ARK2C: variants seen among roughly 807,000 people sequenced by gnomAD.
The protein encoded by ARK2C is E3 ubiquitin-protein ligase ARK2C.
At chr18:46,345,807 C>T in the ARK2C span, among the ~76,000 whole-genome samples, 1 of 152,236 alleles carries the variant, frequency 6.6e-6, no homozygotes, top group East Asian at 1.9e-4. Flanking sequence ...CAGGCTGTGC[C>T]CCGACTCCCG....
At chr18:46,340,651 C>G in the ARK2C span, among the ~76,000 whole-genome samples, 2 of 152,198 alleles carry the variant, frequency 1.3e-5, no homozygotes. Flanking sequence ...CCAGTCTTGA[C>G]CTGGAAGGGT....
the ARK2C span, among the ~76,000 whole-genome samples, chr18:46,374,063 C>T: frequency 1.3e-5 from 2 of 152,114 alleles, no homozygotes; most frequent in African/African-American, 4.8e-5. Context: ...CAGGCTGGGG[C>T]ATTCTTGTCA....
At chr18:46,378,156 G>A in the ARK2C span, among the ~76,000 whole-genome samples, 18 of 152,296 alleles carry the variant, frequency 1.2e-4, no homozygotes, top group South Asian at 1.5e-3. Flanking sequence ...TCCAAGGTAC[G>A]TCCCCTGCAC....
chr18:46,420,462 C>CGAA, the ARK2C span, among the ~76,000 whole-genome samples: 4 of 152,332 alleles, frequency 2.6e-5, no homozygotes, highest in African/African-American at 9.6e-5. Context: ...GGGGCCCCAT[C>CGAA]GAAGTGGCTT....
At chr18:46,431,293 C>T in the ARK2C span, among the ~76,000 whole-genome samples, 1 of 152,204 alleles carries the variant, frequency 6.6e-6, no homozygotes, top group African/African-American at 2.4e-5. Flanking sequence ...CGACCGATCA[C>T]TCTTAGGCTC....
At chr18:46,396,688 G>A in the ARK2C span, among the ~76,000 whole-genome samples, 14 of 152,220 alleles carry the variant, frequency 9.2e-5, no homozygotes, top group South Asian at 4.1e-4. Context: ...CCTGGCTGTC[G>A]GGACCATGAA....
chr18:46,354,463 C>T, the ARK2C span, among the ~76,000 whole-genome samples: 2 of 152,214 alleles, frequency 1.3e-5, no homozygotes, highest in African/African-American at 2.4e-5. Flanking sequence ...CCATAGGCGC[C>T]CAAACCCAGT....
chr18:46,427,857 G>C, the ARK2C span, among the ~76,000 whole-genome samples: 1 of 152,222 alleles, frequency 6.6e-6, no homozygotes, highest in African/African-American at 2.4e-5. Context: ...AGTTCTCAGA[G>C]CTCAGAGGAG....
chr18:46,369,859 T>G, the ARK2C span, among the ~76,000 whole-genome samples: 1 of 152,158 alleles, frequency 6.6e-6, no homozygotes, highest in Non-Finnish European at 1.5e-5. Context: ...GGTATCAGGG[T>G]AGAGCCCGGG....
the ARK2C span, among the ~76,000 whole-genome samples, chr18:46,376,481 A>T: frequency 6.6e-6 from 1 of 152,090 alleles, no homozygotes; most frequent in Non-Finnish European, 1.5e-5. Context: ...TTGTGGAGAT[A>T]TTTTTGTCAG....
chr18:46,397,204 T>C, the ARK2C span, among the ~76,000 whole-genome samples: 1 of 152,142 alleles, frequency 6.6e-6, no homozygotes, highest in African/African-American at 2.4e-5. Context: ...ATGTCATGCC[T>C]CTCTCTCTTC....
chr18:46,418,779 C>A, the ARK2C span, among the ~76,000 whole-genome samples: 1 of 152,226 alleles, frequency 6.6e-6, no homozygotes. Context: ...TGGCTATATC[C>A]ATGCTCTGGG....
At chr18:46,435,456 C>T in the ARK2C span, 1 of 1,297,534 alleles carries the variant, frequency 7.7e-7, no homozygotes, top group Non-Finnish European at 1.1e-6. Flanking sequence ...GGAGGTCTTG[C>T]CAGATCTGTG....
the ARK2C span, among the ~76,000 whole-genome samples, chr18:46,433,882 A>G: frequency 2.9e-3 from 435 of 152,228 alleles, 4 homozygotes; most frequent in Middle Eastern, 6.8e-3. Flanking sequence ...TTGACTAGGG[A>G]ACTCCTCATG....
the ARK2C span, among the ~76,000 whole-genome samples, chr18:46,436,331 CAG>C: frequency 1.3e-5 from 2 of 151,784 alleles, no homozygotes; most frequent in East Asian, 1.9e-4. Context: ...GAAAGGGAGA[CAG>C]AGAGAGAAGG....
the ARK2C span, among the ~76,000 whole-genome samples, chr18:46,360,672 A>G: frequency 6.6e-6 from 1 of 152,064 alleles, no homozygotes; most frequent in African/African-American, 2.4e-5. Flanking sequence ...GGGCCAGGGG[A>G]TGGGGTGCTA....
the ARK2C span, among the ~76,000 whole-genome samples, chr18:46,344,000 T>C: frequency 8.0e-3 from 1,218 of 152,332 alleles, 22 homozygotes; most frequent in African/African-American, 0.027. Context: ...TTCCTCCTGC[T>C]GTCCTTTCCT....
the ARK2C span, among the ~76,000 whole-genome samples, chr18:46,398,990 C>T: frequency 1.3e-5 from 2 of 152,084 alleles, no homozygotes; most frequent in African/African-American, 4.8e-5. Flanking sequence ...TGGGTGTGGC[C>T]GCCAGAGATC....
chr18:46,378,212 G>A, the ARK2C span, among the ~76,000 whole-genome samples: 1 of 152,290 alleles, frequency 6.6e-6, no homozygotes, highest in Non-Finnish European at 1.5e-5. Context: ...TTGAGGTCGT[G>A]GTGTCCAAAA....
Sources: allele counts gnomAD v4.1 joint callset (sites outside exome capture counted in the v4.1 genomes callset), GRCh38; gene constraint gnomAD v4.1.1; transcripts MANE v1.5; gene names NCBI Gene and HGNC (gene_info 2026-07-23, HGNC 2026-07-21).